The following DYNC2I1 variants were observed in gnomAD, a reference collection of about 807,000 sequenced individuals.
DYNC2I1 encodes dynein 2 intermediate chain 1, also known as cytoplasmic dynein 2 intermediate chain 1.
In DYNC2I1, 89 loss-of-function variants were observed where a neutral mutation model predicts 133.4. The observed-to-expected ratio is 0.67, with a 90% CI of 0.56 to 0.80. The LOEUF is 0.80. Ranked by LOEUF, DYNC2I1 falls within the 30% of genes least tolerant of loss-of-function variation. The pLI, the probability that DYNC2I1 is intolerant of heterozygous loss-of-function variation, is 0.00. For synonymous variants in DYNC2I1, 504 were observed against 484.3 expected (o/e 1.04, Z -0.54); for missense variants, 1,291 against 1,314.5 (o/e 0.98, Z 0.28).
chr7:158,909,612 T>A (rs1265502202), intron 11 of DYNC2I1, among the ~76,000 whole-genome samples: 1 of 152,016 alleles, frequency 6.6e-6, no homozygotes, highest in African/African-American at 2.4e-5. Context: ...AGGGTAAAAG[T>A]TGGATTTAAA....
the DYNC2I1 span, among the ~76,000 whole-genome samples, chr7:158,848,483 C>A: frequency 6.6e-6 from 1 of 152,052 alleles, no homozygotes; most frequent in Non-Finnish European, 1.5e-5. Flanking sequence ...GGGCAATTAC[C>A]AAAAAAGCAA....
chr7:158,943,523 C>T (rs1385078380), intron 24 of DYNC2I1, among the ~76,000 whole-genome samples: 1 of 152,084 alleles, frequency 6.6e-6, no homozygotes, highest in African/African-American at 2.4e-5. Flanking sequence ...GTTGTGGGGA[C>T]GTTTGGGCAG....
At chr7:158,885,877 G>A (rs1224515354) in intron 6 of DYNC2I1, among the ~76,000 whole-genome samples, 1 of 151,698 alleles carries the variant, frequency 6.6e-6, no homozygotes, top group African/African-American at 2.4e-5. Flanking sequence ...TAAACCGCAT[G>A]GTATATTGAT....
At chr7:158,924,742 T>C (rs1006364373) in intron 17 of DYNC2I1, among the ~76,000 whole-genome samples, 21 of 152,192 alleles carry the variant, frequency 1.4e-4, no homozygotes, top group African/African-American at 4.6e-4. Flanking sequence ...AATAAATTAT[T>C]CCATTAAAAT....
intron 14 of DYNC2I1, among the ~76,000 whole-genome samples, chr7:158,914,544 ATG>A (rs963905201): frequency 2.2e-4 from 34 of 152,366 alleles, no homozygotes; most frequent in African/African-American, 7.7e-4. Context: ...CTGAAGTACT[ATG>A]TGTGTATTTG....
chr7:158,934,706 G>C (rs1334541207), intron 23 of DYNC2I1, among the ~76,000 whole-genome samples, 157 bp downstream of exon 23: 1 of 152,030 alleles, frequency 6.6e-6, no homozygotes, highest in Non-Finnish European at 1.5e-5. Context: ...TCAGCCTCCC[G>C]AGTAGCTGGG....
downstream of DYNC2I1, among the ~76,000 whole-genome samples, chr7:158,948,750 A>C (rs1563219623): frequency 2.0e-5 from 3 of 152,214 alleles, no homozygotes; most frequent in African/African-American, 7.2e-5. Context: ...CATTTGACGT[A>C]AACTGGAGTC....
intron 5 of DYNC2I1, 146 bp downstream of exon 5, chr7:158,880,135 T>A: frequency 1.2e-6 from 1 of 858,980 alleles, no homozygotes; most frequent in Non-Finnish European, 1.8e-6. Context: ...AAGTCTTGAT[T>A]ACGTGGTTAG....
At chr7:158,934,765 T>G (rs536678206) in intron 23 of DYNC2I1, among the ~76,000 whole-genome samples, 2 of 152,236 alleles carry the variant, frequency 1.3e-5, no homozygotes, top group African/African-American at 4.8e-5. Context: ...AAAAATGTAT[T>G]TTTTTGTAGA....
At chr7:158,926,071 G>A (rs1330553439) in intron 17 of DYNC2I1, 116 bp from the exon 18 acceptor site, 4 of 769,172 alleles carry the variant, frequency 5.2e-6, no homozygotes, top group Non-Finnish European at 8.9e-6. Context: ...GAAGATGTGT[G>A]GAGAGAGTTG....
At chr7:158,891,230 T>C (rs944616413) in intron 7 of DYNC2I1, 35 bp from the exon 8 acceptor site, 1 of 1,613,100 alleles carries the variant, frequency 6.2e-7, no homozygotes, top group Admixed American at 1.7e-5. Context: ...GTCCCACCTG[T>C]GTCCTGGCTG....
chr7:158,941,074 C>G (rs1214955298), intron 23 of DYNC2I1, among the ~76,000 whole-genome samples: 4 of 151,810 alleles, frequency 2.6e-5, no homozygotes, highest in African/African-American at 7.2e-5. Context: ...AATCGACAAA[C>G]TTTTAGCTAG....
At chr7:158,918,605 T>C (rs1220115218) in intron 14 of DYNC2I1, 135 bp from the exon 15 acceptor site, 1 of 982,002 alleles carries the variant, frequency 1.0e-6, no homozygotes, top group African/African-American at 1.6e-5. Context: ...CGTATCGTTT[T>C]TCTTGTAGTT....
intron 23 of DYNC2I1, among the ~76,000 whole-genome samples, chr7:158,936,066 C>T (rs1850720025): frequency 6.6e-6 from 1 of 152,136 alleles, no homozygotes. Flanking sequence ...TGACACATGC[C>T]TGTAATCCCA....
At chr7:158,917,368 TC>T (rs1848536827) in intron 14 of DYNC2I1, among the ~76,000 whole-genome samples, 1 of 106,988 alleles carries the variant, frequency 9.3e-6, no homozygotes, top group Admixed American at 9.0e-5. Flanking sequence ...ACTAAACACC[TC>T]CTGTCCTCCA....
chr7:158,949,237 CAG>C (rs1407193595), downstream of DYNC2I1, among the ~76,000 whole-genome samples: 10 of 152,258 alleles, frequency 6.6e-5, no homozygotes, highest in Non-Finnish European at 1.5e-4. Flanking sequence ...TCTGAAGATA[CAG>C]AGTCACACAT....
chr7:158,841,214 TA>T, the DYNC2I1 span, among the ~76,000 whole-genome samples: 118 of 82,490 alleles, frequency 1.4e-3, 4 homozygotes, highest in Non-Finnish European at 2.1e-3. Context: ...TATATATATA[TA>T]TATATATTTT....
downstream of DYNC2I1, among the ~76,000 whole-genome samples, chr7:158,948,907 A>G (rs1851966553): frequency 6.6e-6 from 1 of 152,128 alleles, no homozygotes; most frequent in Non-Finnish European, 1.5e-5. Context: ...GCTCTTCCAA[A>G]TCTCACTAAA....
At chr7:158,900,756 C>T (rs1443570874) in intron 8 of DYNC2I1, among the ~76,000 whole-genome samples, 4 of 143,986 alleles carry the variant, frequency 2.8e-5, no homozygotes, top group East Asian at 2.1e-4. Flanking sequence ...TTTTCCTTCC[C>T]GCTTTTTGTT....
Sources: gnomAD v4.1 joint callset for allele counts (sites outside exome capture counted in the v4.1 genomes callset) on GRCh38, gnomAD v4.1.1 for gene constraint, MANE v1.5 for transcripts, NCBI Gene and HGNC (gene_info 2026-07-23, HGNC 2026-07-21) for gene names.